The following FBXL18 variants were observed in gnomAD, a reference collection of about 807,000 sequenced individuals.
FBXL18 encodes F-box and leucine rich repeat protein 18, also known as F-box/LRR-repeat protein 18.
In FBXL18, 36 loss-of-function variants were observed where a neutral mutation model predicts 46.0. That is an observed-to-expected ratio of 0.78 (90% CI 0.60 to 1.03). The LOEUF (loss-of-function observed/expected upper bound fraction) is 1.03, where lower values mean the gene tolerates loss of function less well. Among genes scored for constraint, FBXL18 ranks in the 50% least tolerant of loss-of-function variants. FBXL18 has a pLI of 0.00. For missense variants in FBXL18, 977 were observed against 1,004.1 expected (o/e 0.97, Z 0.36); for synonymous variants, 557 against 465.3 (o/e 1.20, Z -2.54).
In FBXL18 at chr7:5,476,463, G is replaced by C. The variant is rs1273517930; in HGVS notation, c.*5312C>G. The C allele has an allele frequency of 6.6e-6, 1 of 152,156 alleles. No homozygotes were observed. The highest frequency in any genetic ancestry group is 6.6e-5 in the Admixed American group (1 of 15,260). 9.4% of individuals were successfully genotyped at this position (152,156 alleles called of 1,614,324 possible). A position where few individuals can be genotyped will look rare whatever the true frequency, so the allele number is the denominator to read the frequency against. On this transcript the variant is annotated 3_prime_UTR_variant, in exon 5 of 5. Transcript: ENST00000382368. The stretch of plus-strand genomic sequence containing the variant: ...GTAAACCGACCCCTTCAGCGTTTCT[G>C]CTTTTTGTTGTTTGTTTTCTGAGAC...
chr7:5,512,686 C>A (rs975957366), intron 1 of FBXL18, among the ~76,000 whole-genome samples: 2 of 152,182 alleles, frequency 1.3e-5, no homozygotes, highest in Non-Finnish European at 2.9e-5. Context: ...GACCCCCCTT[C>A]TTCCCTGACC....
chr7:5,463,698 A>G (rs1783290913), intron 4 of FBXL18, among the ~76,000 whole-genome samples: 1 of 54,166 alleles, frequency 1.8e-5, no homozygotes, highest in Non-Finnish European at 3.3e-5. Flanking sequence ...CCTGAACTAT[A>G]TATATATTTA....
chr7:5,513,541 G>C (rs1381296421), intron 1 of FBXL18, 116 bp downstream of exon 1: 2 of 1,187,010 alleles, frequency 1.7e-6, no homozygotes, highest in African/African-American at 3.0e-5. Context: ...GGAAGGACGG[G>C]GCGGGGTAGG....
chr7:5,474,292 C>T (rs1311275387), downstream of FBXL18, among the ~76,000 whole-genome samples: 1 of 148,252 alleles, frequency 6.7e-6, no homozygotes, highest in African/African-American at 2.5e-5. Flanking sequence ...TGCTTAATGC[C>T]ACCGAACTGT....
chr7:5,467,026 G>A (rs565708148), intron 4 of FBXL18, among the ~76,000 whole-genome samples: 1 of 152,260 alleles, frequency 6.6e-6, no homozygotes, highest in Non-Finnish European at 1.5e-5. Context: ...AGACCAGCCT[G>A]GCCATCACGG....
At chr7:5,511,844 G>T (rs903837521) in intron 1 of FBXL18, among the ~76,000 whole-genome samples, 1 of 151,772 alleles carries the variant, frequency 6.6e-6, no homozygotes, top group Admixed American at 6.6e-5. Flanking sequence ...CCTGGGCTGG[G>T]CGCAGGGGCT....
intron 4 of FBXL18, among the ~76,000 whole-genome samples, chr7:5,468,129 C>T (rs1375443183): frequency 6.6e-6 from 1 of 152,066 alleles, no homozygotes; most frequent in South Asian, 2.1e-4. Context: ...ACTACAGGCG[C>T]CCGCCACCAC....
In FBXL18 at chr7:5,481,876, C is replaced by T; in HGVS notation, c.2056G>A (p.Gly686Ser). ...ACGTCCCGGATGACGTCGGTCAGGCCCTCGTGGAGCAGAGGGAAGATGACG... is the reference window on the plus strand; with the variant it reads ...ACGTCCCGGATGACGTCGGTCAGGCTCTCGTGGAGCAGAGGGAAGATGACG... ...NVVIFPLLHE[G>S]LTDVIRDVPL... The change falls in exon 5 of 5, where the codon GGC (glycine) becomes AGC (serine). Residue 686 changes from glycine (G) to serine (S), a missense_variant. By Grantham distance (56) the Gly-to-Ser change is moderately conservative (BLOSUM62 0). Coordinates refer to ENST00000382368, the MANE Select transcript of FBXL18 (RefSeq NM_024963.6). 1.2e-6 allele frequency: 2 copies of T among 1,613,730 alleles called. No homozygotes were observed. Among genetic ancestry groups the T allele is most frequent in the Non-Finnish European group, 8.5e-7 (1 of 1,179,948 alleles).
At chr7:5,509,966 C>T (rs1784488032) in intron 1 of FBXL18, among the ~76,000 whole-genome samples, 2 of 151,878 alleles carry the variant, frequency 1.3e-5, no homozygotes, top group Admixed American at 1.3e-4. Flanking sequence ...AGTTAAGGCA[C>T]CTTGCACCAA....
Position 5,501,912 on chromosome 7 carries a change from G to A in FBXL18, c.357C>T (p.Arg119=). ...CCGAGAGGTTCACCTTCACCAGGCT[G>A]CGGCAGCGGGCCACGTGTTCCACGG... ...GSTVEHVARC[R]SLVKVNLSGC... The change falls in exon 3 of 5, where the codon CGC becomes CGT. Residue 119 remains arginine (R), a synonymous_variant. Coordinates refer to ENST00000382368, the MANE Select transcript of FBXL18 (RefSeq NM_024963.6). 1 of 1,601,914 alleles carries A rather than the reference G, an allele frequency of 6.2e-7. No homozygotes were observed. The highest frequency in any genetic ancestry group is 8.5e-7 in the Non-Finnish European group (1 of 1,175,582).
intron 4 of FBXL18, chr7:5,490,198 G>A: frequency 7.5e-7 from 1 of 1,341,782 alleles, no homozygotes; most frequent in Non-Finnish European, 1.0e-6. Flanking sequence ...CCTCCTTCCT[G>A]TCACCTCTCC....
At position 5,489,124 on chromosome 7, in the gene FBXL18, G is replaced by T. The variant is rs555707581; in HGVS notation, c.2000+2107C>A. ...ACACAGTGACCGTGTTTTTAAAACC[G>T]CCATGAACCAGGGCGGACCACGACA... On this transcript the variant is annotated intron_variant, in intron 4 of 4. Transcript: ENST00000382368. 1,418 of 372,462 alleles carry T rather than the reference G, an allele frequency of 3.8e-3. 11 individuals are homozygous for T. Among genetic ancestry groups the T allele is most frequent in the Middle Eastern group, 0.013 (17 of 1,280 alleles). The allele number at this position is 372,462 out of a possible 1,614,324, so 23.1% of individuals were successfully genotyped here. A position where few individuals can be genotyped will look rare whatever the true frequency, so the allele number is the denominator to read the frequency against.
chr7:5,466,718 G>A (rs1188817622), intron 4 of FBXL18, among the ~76,000 whole-genome samples: 2 of 152,178 alleles, frequency 1.3e-5, no homozygotes, highest in African/African-American at 4.8e-5. Context: ...TCCACAGCCG[G>A]TCACAGCACC....
chr7:5,491,166 A>G (rs1783911375), intron 4 of FBXL18, 65 bp downstream of exon 4: 1 of 1,429,186 alleles, frequency 7.0e-7, no homozygotes, highest in African/African-American at 1.4e-5. Flanking sequence ...AAGGCTGGGG[A>G]CCAGGTCACG....
At chr7:5,458,018 G>A (rs1022293160) in intron 4 of FBXL18, among the ~76,000 whole-genome samples, 5 of 152,144 alleles carry the variant, frequency 3.3e-5, no homozygotes, top group African/African-American at 9.7e-5. Flanking sequence ...ACATTGCTCC[G>A]GCGGATTCAA....
Position 5,500,899 on chromosome 7 carries a change from T to C in FBXL18, c.1370A>G (p.Gln457Arg). The C allele has an allele frequency of 6.3e-7, 1 of 1,582,162 alleles. No individual in the cohort carries two copies. Among genetic ancestry groups the C allele is most frequent in the Non-Finnish European group, 8.6e-7 (1 of 1,163,432 alleles). Residue 457 changes from glutamine to arginine, a missense_variant, in exon 3 of 5, where the codon CAG becomes CGG. By Grantham distance (43) the Gln-to-Arg change is conservative (BLOSUM62 1). Coordinates refer to ENST00000382368, the MANE Select transcript of FBXL18 (RefSeq NM_024963.6). ...GCCCGAGAAGGGGCTGGGACAGGAC[T>C]GCACGCCCACACGCACTTTCTTGCC... ...GFGKKVRVGV[Q>R]SCPSPFSGQA...
downstream of FBXL18, among the ~76,000 whole-genome samples, chr7:5,474,794 G>A (rs895510141): frequency 7.3e-5 from 11 of 150,610 alleles, no homozygotes; most frequent in African/African-American, 2.4e-4. Context: ...TGCAAGCTCC[G>A]CCTCCCGGGT....
chr7:5,454,831 C>T (rs1404265567), intron 4 of FBXL18, among the ~76,000 whole-genome samples: 1 of 152,210 alleles, frequency 6.6e-6, no homozygotes, highest in East Asian at 1.9e-4. Context: ...CATAAGACGC[C>T]TCCCCCACTG....
In FBXL18 at chr7:5,479,646, C is replaced by T. The variant is rs1300684915; in HGVS notation, c.*2129G>A. On this transcript the variant is annotated 3_prime_UTR_variant, in exon 5 of 5. Transcript: ENST00000382368. ...CGTGGGCAGCTGGTCCTGCGGCCTG[C>T]AGACTAGGAGACGGGGCCTAGGGGT... The T allele has an allele frequency of 1.3e-5, 2 of 152,354 alleles. No homozygotes were observed. Among genetic ancestry groups the T allele is most frequent in the Non-Finnish European group, 2.9e-5 (2 of 68,166 alleles). 9.4% of individuals were successfully genotyped at this position (152,354 alleles called of 1,614,324 possible).
Sources: gnomAD v4.1 joint callset for allele counts (sites outside exome capture counted in the v4.1 genomes callset) on GRCh38, gnomAD v4.1.1 for gene constraint, MANE v1.5 for transcripts, NCBI Gene and HGNC (gene_info 2026-07-23, HGNC 2026-07-21) for gene names.